Variants in RTN4IP1 observed in about 807,000 individuals in gnomAD.
RTN4IP1 encodes reticulon 4 interacting protein 1.
RTN4IP1 carries 32 observed loss-of-function variants against 46.6 expected under a neutral mutation model. That is an observed-to-expected ratio of 0.69 (90% confidence interval 0.52 to 0.92). The LOEUF is 0.92. RTN4IP1 is among the 40% of genes least tolerant of loss of function. The pLI is 0.00. For missense variants in RTN4IP1, 424 were observed against 485.8 expected (o/e 0.87, Z 1.20); for synonymous variants, 167 against 161.8 (o/e 1.03, Z -0.24).
chr6:106,626,518 G>GTT (rs1776649751), intron 1 of RTN4IP1, among the ~76,000 whole-genome samples: 1 of 152,198 alleles, frequency 6.6e-6, no homozygotes, highest in Non-Finnish European at 1.5e-5. Flanking sequence ...TTTAGCTGCT[G>GTT]TTTAAGAGCT....
Position 106,628,842 on chromosome 6 carries a change from A to G in RTN4IP1, c.180T>C (p.Thr60=), listed in dbSNP as rs1562160093. The change falls in exon 1 of 9, where the codon ACT becomes ACC. Residue 60 remains threonine, a synonymous_variant. Coordinates refer to ENST00000369063, the MANE Select transcript of RTN4IP1 (RefSeq NM_032730.5). The part of the protein sequence containing the change: ...KYGKNEVLRF[T]QNMMMPIIHY... ...GTATGATAGGCATCATCATGTTCTG[A>G]GTGAATCGAAGCACTTCATTCTTCC... is the stretch of plus-strand genomic sequence containing the variant. The G allele has an allele frequency of 6.2e-7, 1 of 1,614,120 alleles. No homozygotes were observed. The highest frequency in any genetic ancestry group is 8.5e-7 in the Non-Finnish European group (1 of 1,179,974).
At position 106,600,395 on chromosome 6, in the gene RTN4IP1, G is replaced by C. The variant is rs569214516; in HGVS notation, c.669+2479C>G. On this transcript the variant is annotated intron_variant, in intron 5 of 8. Transcript: ENST00000369063. ...TGGAGGCTTGGGGAACTTTTGGTTT[G>C]TTTTGTTTTATTTGAGGTAAAATTC... Among the ~76,000 whole-genome samples the C allele has an allele frequency of 3.3e-5, 5 of 152,198 alleles. No homozygotes were observed. The South Asian group carries it at 1.0e-3, about 32-fold the overall frequency.
chr6:106,594,810 G>A (rs1445344890), intron 5 of RTN4IP1, among the ~76,000 whole-genome samples: 2 of 151,822 alleles, frequency 1.3e-5, no homozygotes, highest in African/African-American at 4.8e-5. Context: ...GGTTGTTTTG[G>A]TTTTTTATTT....
rs560101795 is a variant in RTN4IP1 at position 106,605,811 on chromosome 6, T to A, written c.621-2889A>T. Among the ~76,000 whole-genome samples, 22 of 81,510 alleles carry A rather than the reference T, an allele frequency of 2.7e-4. No homozygotes were observed. In the South Asian group the frequency reaches 9.9e-3, roughly 37 times the overall value. The allele number at this position is 81,510 out of a possible 152,430, so 53.5% of individuals were successfully genotyped here. On this transcript the variant is annotated intron_variant, in intron 4 of 8. Coordinates refer to ENST00000369063, the MANE Select transcript of RTN4IP1 (RefSeq NM_032730.5). ...CAGCCTGGGCGACAGAGCAAGACTC[T>A]GTCCCAAAAAAAAAAAAAAAAAAAA...
intron 5 of RTN4IP1, 25 bp from the exon 6 acceptor site, chr6:106,592,325 A>G (rs1775683304): frequency 1.2e-6 from 2 of 1,605,710 alleles, no homozygotes; most frequent in Non-Finnish European, 1.7e-6. Flanking sequence ...AAAGAAAAAA[A>G]GAATAAAAAA....
intron 1 of RTN4IP1, among the ~76,000 whole-genome samples, chr6:106,627,795 C>G (rs1776686816): frequency 8.6e-6 from 1 of 116,896 alleles, no homozygotes; most frequent in Admixed American, 1.1e-4. Flanking sequence ...ACTCTATCGG[C>G]AGGCTGGAGT....
intron 7 of RTN4IP1, among the ~76,000 whole-genome samples, chr6:106,583,786 T>C (rs1370293378): frequency 1.3e-5 from 2 of 152,178 alleles, no homozygotes; most frequent in Non-Finnish European, 2.9e-5. Context: ...CTACTAAGGT[T>C]TGAATAAAGC....
chr6:106,589,025 G>A (rs756240572), intron 6 of RTN4IP1, among the ~76,000 whole-genome samples: 6 of 149,762 alleles, frequency 4.0e-5, no homozygotes, highest in African/African-American at 7.4e-5. Flanking sequence ...CAGGAGAATC[G>A]CTTGAACCCG....
chr6:106,572,336 C>A, intron 8 of RTN4IP1: 1 of 497,562 alleles, frequency 2.0e-6, no homozygotes, highest in Non-Finnish European at 3.6e-6. Flanking sequence ...CTTACTTCTC[C>A]TCCATGCTGG....
chr6:106,579,964 C>A (rs180974262), intron 8 of RTN4IP1, among the ~76,000 whole-genome samples: 14 of 151,632 alleles, frequency 9.2e-5, no homozygotes, highest in Admixed American at 8.5e-4. Flanking sequence ...CCTGTAATCC[C>A]AACACTTTGG....
In RTN4IP1 at chr6:106,586,088, A is replaced by G. The variant is rs145967181; in HGVS notation, c.990+1591T>C. Among the ~76,000 whole-genome samples the G allele has an allele frequency of 1.8e-4, 28 of 152,340 alleles. No homozygotes were observed. The East Asian group carries it at 4.8e-3, about 26-fold the overall frequency. ...TCATTTCTATTACCCATAATATTTC[A>G]TAAGAATTGAGTCGTGGTCTCCTCC... On this transcript the variant is annotated intron_variant, in intron 7 of 8. Coordinates refer to ENST00000369063, the MANE Select transcript of RTN4IP1 (RefSeq NM_032730.5).
intron 8 of RTN4IP1, among the ~76,000 whole-genome samples, chr6:106,579,558 A>G (rs1320778403): frequency 6.6e-6 from 1 of 152,114 alleles, no homozygotes; most frequent in East Asian, 1.9e-4. Context: ...TAGTGAGCAC[A>G]TTAAAGGCAG....
At chr6:106,600,248 T>C (rs1775908360) in intron 5 of RTN4IP1, among the ~76,000 whole-genome samples, 1 of 152,016 alleles carries the variant, frequency 6.6e-6, no homozygotes, top group Non-Finnish European at 1.5e-5. Flanking sequence ...CGCTGGCCCC[T>C]ACTGGGGAAA....
upstream of RTN4IP1, among the ~76,000 whole-genome samples, chr6:106,630,237 A>G (rs185894139): frequency 2.0e-5 from 3 of 152,258 alleles, no homozygotes; most frequent in East Asian, 3.9e-4. Flanking sequence ...GTATTTGTGA[A>G]TGCTTTCTGG....
Position 106,592,219 on chromosome 6 carries a change from C to G in RTN4IP1, c.751G>C (p.Asp251His). The change falls in exon 6 of 9, where the codon GAT becomes CAT. Residue 251 changes from aspartate to histidine, a missense_variant. Transcript: ENST00000369063. ...SELVRKLGAD[D>H]VIDYKSGSVE... ...CTTCCAGATTTGTAATCAATTACATCGTCTGCACCAAGCTTCCTTACAAGT... is the reference window on the plus strand; with the variant it reads ...CTTCCAGATTTGTAATCAATTACATGGTCTGCACCAAGCTTCCTTACAAGT... 1 of 1,614,110 alleles carries G rather than the reference C, an allele frequency of 6.2e-7. No homozygotes were observed. Among genetic ancestry groups the G allele is most frequent in the African/African-American group, 1.3e-5 (1 of 75,012 alleles).
intron 7 of RTN4IP1, among the ~76,000 whole-genome samples, chr6:106,586,197 G>C (rs1775480263): frequency 6.6e-6 from 1 of 152,016 alleles, no homozygotes; most frequent in Non-Finnish European, 1.5e-5. Context: ...CCCATAAAAG[G>C]TCCCAAATTA....
intron 5 of RTN4IP1, among the ~76,000 whole-genome samples, chr6:106,594,008 T>C (rs1218358715): frequency 6.6e-6 from 1 of 152,218 alleles, no homozygotes; most frequent in Non-Finnish European, 1.5e-5. Context: ...AATACATGTT[T>C]TTCTTTAAAC....
chr6:106,625,728 A>C (rs1230085419), intron 1 of RTN4IP1, among the ~76,000 whole-genome samples: 1 of 130,854 alleles, frequency 7.6e-6, no homozygotes, highest in African/African-American at 3.0e-5. Flanking sequence ...CAATGGCGTG[A>C]TCTCGGCTCA....
intron 6 of RTN4IP1, among the ~76,000 whole-genome samples, chr6:106,588,275 T>A (rs1775534930): frequency 6.6e-6 from 1 of 152,226 alleles, no homozygotes; most frequent in Non-Finnish European, 1.5e-5. Context: ...TCTGACTTAA[T>A]TAAGCTTTGT....
Sources: allele counts gnomAD v4.1 joint callset (sites outside exome capture counted in the v4.1 genomes callset), GRCh38; gene constraint gnomAD v4.1.1; transcripts MANE v1.5; gene names NCBI Gene and HGNC (gene_info 2026-07-23, HGNC 2026-07-21).